The following STXBP5L variants were observed in gnomAD, a reference collection of about 807,000 sequenced individuals.
The protein encoded by STXBP5L is syntaxin-binding protein 5-like.
Under a neutral mutation model 144.5 loss-of-function variants are expected in STXBP5L, and 65 were observed. That is an observed-to-expected ratio of 0.45 (90% CI 0.37 to 0.55). STXBP5L has a LOEUF of 0.55. Ranked by LOEUF, STXBP5L falls within the 20% of genes least tolerant of loss-of-function variation. The pLI is 0.00. For synonymous variants in STXBP5L, 505 were observed against 469.6 expected (o/e 1.08, Z -0.97); for missense variants, 1,298 against 1,405.5 (o/e 0.92, Z 1.22).
At chr3:121,240,935 T>G (rs1345768160) in intron 14 of STXBP5L, among the ~76,000 whole-genome samples, 2 of 152,154 alleles carry the variant, frequency 1.3e-5, no homozygotes, top group Non-Finnish European at 2.9e-5. Context: ...CCACTTGATG[T>G]TTTAATATTA....
chr3:121,347,184 T>C (rs1197259321), intron 20 of STXBP5L, among the ~76,000 whole-genome samples: 1 of 152,226 alleles, frequency 6.6e-6, no homozygotes, highest in Non-Finnish European at 1.5e-5. Flanking sequence ...TAGCCAGTTT[T>C]CCCAGCACCA....
Position 121,338,610 on chromosome 3 carries a change from G to A in STXBP5L, c.2176+20070G>A, listed in dbSNP as rs113220386. Among the ~76,000 whole-genome samples, 663 of 69,352 alleles carry A rather than the reference G, an allele frequency of 9.6e-3. 12 individuals carry two copies. Among genetic ancestry groups the A allele is most frequent in the East Asian group, 0.034 (77 of 2,290 alleles). The allele number at this position is 69,352 out of a possible 152,430, so 45.5% of individuals were successfully genotyped here. ...TTTCTGTCAAAAAAAAAAAAAAAAA[G>A]AGAGAAAGAGAGAAAGAAAGAAAGA... On this transcript the variant is annotated intron_variant, in intron 20 of 26. Transcript: ENST00000471454.
At chr3:121,399,152 TTCC>T (rs1170504833) in intron 22 of STXBP5L, among the ~76,000 whole-genome samples, 1 of 152,178 alleles carries the variant, frequency 6.6e-6, no homozygotes, top group East Asian at 1.9e-4. Context: ...TATACTCTCC[TTCC>T]TCCTCCTCAT....
At chr3:121,246,673 T>A (rs369047969) in intron 14 of STXBP5L, among the ~76,000 whole-genome samples, 4 of 152,136 alleles carry the variant, frequency 2.6e-5, no homozygotes, top group African/African-American at 7.2e-5. Flanking sequence ...AGCCAAAAAC[T>A]GAAAACAACC....
chr3:121,314,614 AGAGGGAGAG>A (rs2043712526), intron 19 of STXBP5L, among the ~76,000 whole-genome samples: 1 of 149,414 alleles, frequency 6.7e-6, no homozygotes, highest in African/African-American at 2.5e-5. Flanking sequence ...AGGGAGAGGG[AGAGGGAGAG>A]GGAGAGGGAG....
intron 11 of STXBP5L, among the ~76,000 whole-genome samples, chr3:121,225,926 C>G (rs774365206): frequency 8.5e-5 from 13 of 152,204 alleles, no homozygotes; most frequent in Non-Finnish European, 1.6e-4. Flanking sequence ...AGGGCCTTAG[C>G]TACTGCCATG....
chr3:121,012,683 GTTA>G (rs1204035847), intron 3 of STXBP5L, among the ~76,000 whole-genome samples: 4 of 151,486 alleles, frequency 2.6e-5, no homozygotes, highest in East Asian at 1.9e-4. Flanking sequence ...AATTATTATT[GTTA>G]TTATTATTCT....
chr3:120,926,202 A>T (rs927964946), intron 2 of STXBP5L, among the ~76,000 whole-genome samples: 6 of 151,796 alleles, frequency 4.0e-5, no homozygotes, highest in South Asian at 2.1e-4. Flanking sequence ...ATTTTTTTTT[A>T]AATTTTAGAT....
At chr3:120,965,467 G>A (rs542059972) in intron 3 of STXBP5L, among the ~76,000 whole-genome samples, 103 of 152,098 alleles carry the variant, frequency 6.8e-4, no homozygotes, top group Non-Finnish European at 1.2e-3. Flanking sequence ...TTTAAGGCAG[G>A]CCTGGTGTGA....
chr3:121,146,778 A>T (rs1350750274), intron 7 of STXBP5L, among the ~76,000 whole-genome samples: 1 of 152,088 alleles, frequency 6.6e-6, no homozygotes, highest in Non-Finnish European at 1.5e-5. Context: ...TCAGCAGAAG[A>T]TGTAATAATC....
intron 18 of STXBP5L, among the ~76,000 whole-genome samples, chr3:121,267,250 A>G (rs1429227904): frequency 6.6e-6 from 1 of 152,226 alleles, no homozygotes; most frequent in Non-Finnish European, 1.5e-5. Flanking sequence ...TCTCAGAAAT[A>G]ACACCACACA....
intron 9 of STXBP5L, among the ~76,000 whole-genome samples, chr3:121,165,376 T>C (rs923209920): frequency 2.0e-5 from 3 of 152,206 alleles, no homozygotes; most frequent in African/African-American, 7.2e-5. Context: ...GATGATATTA[T>C]ACAATGTTTG....
At chr3:121,128,391 T>G (rs1353086019) in intron 7 of STXBP5L, among the ~76,000 whole-genome samples, 1 of 152,126 alleles carries the variant, frequency 6.6e-6, no homozygotes. Flanking sequence ...GTATTATGTT[T>G]GTTCTGGCAA....
rs562497582 is a variant in STXBP5L, at chr3:121,028,587, ATTGC to A, written c.288-13110_288-13107del. Among the ~76,000 whole-genome samples the A allele has an allele frequency of 1.3e-3, 198 of 152,192 alleles. 1 individual carries two copies. Among genetic ancestry groups the A allele is most frequent in the African/African-American group, 4.7e-3 (195 of 41,552 alleles). On this transcript the variant is annotated intron_variant, in intron 3 of 26. Coordinates refer to ENST00000471454, the MANE Select transcript of STXBP5L (RefSeq NM_001308330.2). The stretch of plus-strand genomic sequence containing the variant: ...TATTCTAAGGAGATCTTTTAGAAAT[ATTGC>A]TTCATTTATATTTACAGTCAGTTTT...
intron 18 of STXBP5L, among the ~76,000 whole-genome samples, chr3:121,278,949 A>G (rs2050966850): frequency 6.6e-6 from 1 of 151,622 alleles, no homozygotes; most frequent in Non-Finnish European, 1.5e-5. Flanking sequence ...GTGAAGTGGA[A>G]AGAACCATTT....
intron 10 of STXBP5L, among the ~76,000 whole-genome samples, chr3:121,220,044 A>G (rs1296087548): frequency 1.3e-5 from 2 of 152,012 alleles, no homozygotes; most frequent in African/African-American, 4.8e-5. Context: ...CACATGTATG[A>G]TTTCTAAAAC....
At chr3:121,231,584 T>C (rs2049310093) in intron 11 of STXBP5L, among the ~76,000 whole-genome samples, 1 of 151,722 alleles carries the variant, frequency 6.6e-6, no homozygotes, top group African/African-American at 2.4e-5. Context: ...ACAATTAACA[T>C]TCCCCATTTT....
At chr3:121,238,201 G>A (rs527320778) in intron 12 of STXBP5L, among the ~76,000 whole-genome samples, 84 of 152,106 alleles carry the variant, frequency 5.5e-4, no homozygotes, top group Middle Eastern at 3.4e-3. Flanking sequence ...CAAAAAAAAT[G>A]TTTATTTTGT....
At chr3:121,117,669 T>A (rs1248119940) in intron 6 of STXBP5L, among the ~76,000 whole-genome samples, 1 of 151,744 alleles carries the variant, frequency 6.6e-6, no homozygotes, top group East Asian at 1.9e-4. Flanking sequence ...TCTAAAAAAA[T>A]ATGAGATTGT....
Sources: gnomAD v4.1 joint callset for allele counts (sites outside exome capture counted in the v4.1 genomes callset) on GRCh38, gnomAD v4.1.1 for gene constraint, MANE v1.5 for transcripts, NCBI Gene and HGNC (gene_info 2026-07-23, HGNC 2026-07-21) for gene names.